CSMD3: variants seen among roughly 807,000 people sequenced by gnomAD.
The protein encoded by CSMD3 is CUB and Sushi multiple domains 3, also known as CUB and sushi domain-containing protein 3.
CSMD3 carries 177 observed loss-of-function variants against 435.2 expected under a neutral mutation model. The ratio of observed to expected loss-of-function variants is 0.41; its 90% CI spans 0.36 to 0.46. CSMD3 has a LOEUF of 0.46. Among genes scored for constraint, CSMD3 ranks in the 20% least tolerant of loss-of-function variants. The pLI is 0.34. For missense variants in CSMD3, 4,265 were observed against 4,504.6 expected (o/e 0.95, Z 1.52); for synonymous variants, 1,656 against 1,520.5 (o/e 1.09, Z -2.07).
At chr8:112,690,720 A>C (rs2076116991) in intron 13 of CSMD3, among the ~76,000 whole-genome samples, 1 of 152,028 alleles carries the variant, frequency 6.6e-6, no homozygotes. Context: ...TTTTAACACC[A>C]TTAAAACAAC....
intron 16 of CSMD3, among the ~76,000 whole-genome samples, chr8:112,667,533 T>C (rs1183875305): frequency 6.6e-6 from 1 of 151,940 alleles, no homozygotes; most frequent in Non-Finnish European, 1.5e-5. Flanking sequence ...ATACAGTGAT[T>C]TTTTTTTCTT....
At chr8:112,289,998 A>C (rs1234360556) in intron 56 of CSMD3, among the ~76,000 whole-genome samples, 1 of 152,056 alleles carries the variant, frequency 6.6e-6, no homozygotes, top group African/African-American at 2.4e-5. Flanking sequence ...AAAGAACTTG[A>C]GGGTTCAAGA....
intron 28 of CSMD3, among the ~76,000 whole-genome samples, chr8:112,512,907 C>A (rs1303427504): frequency 1.3e-5 from 2 of 152,220 alleles, no homozygotes; most frequent in Non-Finnish European, 1.5e-5. Context: ...TCACGTTCCA[C>A]TTTAATGTTA....
chr8:112,670,031 G>A (rs1161911908), intron 16 of CSMD3, among the ~76,000 whole-genome samples: 1 of 152,008 alleles, frequency 6.6e-6, no homozygotes, highest in Non-Finnish European at 1.5e-5. Flanking sequence ...TTAACAAAAC[G>A]TAAAAATGTC....
intron 21 of CSMD3, among the ~76,000 whole-genome samples, 200 bp downstream of exon 21, chr8:112,638,496 C>T (rs7833307): frequency 0.49 from 73,490 of 150,954 alleles, 18,447 homozygotes; most frequent in African/African-American, 0.58. Flanking sequence ...TGCTTTTTCC[C>T]TTATTTATTA....
intron 16 of CSMD3, among the ~76,000 whole-genome samples, chr8:112,669,551 A>G (rs1308841752): frequency 6.6e-6 from 1 of 152,190 alleles, no homozygotes; most frequent in Admixed American, 6.6e-5. Flanking sequence ...TGAAGATACT[A>G]CACTTCAAAA....
chr8:112,533,283 G>A (rs1586618576), intron 27 of CSMD3, among the ~76,000 whole-genome samples: 1 of 151,938 alleles, frequency 6.6e-6, no homozygotes. Context: ...ATCAATAATG[G>A]CATTGAATGT....
chr8:113,296,115 G>A (rs1419892177), intron 2 of CSMD3, among the ~76,000 whole-genome samples: 1 of 151,926 alleles, frequency 6.6e-6, no homozygotes, highest in South Asian at 2.1e-4. Flanking sequence ...CATGGACACA[G>A]GAAGGGGGAC....
At chr8:112,489,492 A>G (rs1352870285) in intron 31 of CSMD3, among the ~76,000 whole-genome samples, 2 of 152,190 alleles carry the variant, frequency 1.3e-5, no homozygotes, top group African/African-American at 4.8e-5. Flanking sequence ...AGTGCTGAAG[A>G]AAAATAATTT....
chr8:112,691,354 A>G, intron 13 of CSMD3, among the ~76,000 whole-genome samples: 1 of 152,160 alleles, frequency 6.6e-6, no homozygotes, highest in Middle Eastern at 3.4e-3. Context: ...TATCAAGGGA[A>G]GATGTTAGTA....
intron 6 of CSMD3, among the ~76,000 whole-genome samples, chr8:112,977,935 A>C (rs1196140569): frequency 6.6e-6 from 1 of 151,978 alleles, no homozygotes; most frequent in African/African-American, 2.4e-5. Flanking sequence ...TGCACTACTA[A>C]AATACAGTAA....
chr8:113,203,570 A>C (rs1176729083), intron 3 of CSMD3, among the ~76,000 whole-genome samples: 1 of 151,778 alleles, frequency 6.6e-6, no homozygotes, highest in East Asian at 1.9e-4. Flanking sequence ...AATGCTCTCT[A>C]TATATGTTAA....
At chr8:113,249,539 T>A (rs12678760) in intron 3 of CSMD3, among the ~76,000 whole-genome samples, 19,817 of 152,100 alleles carry the variant, frequency 0.13, 2,255 homozygotes, top group African/African-American at 0.31. Flanking sequence ...ATTTTTCTAT[T>A]TTTAAATCAA....
intron 1 of CSMD3, among the ~76,000 whole-genome samples, chr8:113,410,154 T>C (rs2094551624): frequency 6.6e-6 from 1 of 152,168 alleles, no homozygotes; most frequent in Admixed American, 6.5e-5. Context: ...TTGTTTTTGT[T>C]TGTTTGTTGT....
At chr8:112,798,109 G>A (rs773214105) in intron 13 of CSMD3, among the ~76,000 whole-genome samples, 13 of 151,816 alleles carry the variant, frequency 8.6e-5, no homozygotes, top group Admixed American at 2.6e-4. Flanking sequence ...TAGAGCTAAC[G>A]AAGTCTTCAT....
At chr8:112,843,873 A>C in intron 11 of CSMD3, among the ~76,000 whole-genome samples, 1 of 151,942 alleles carries the variant, frequency 6.6e-6, no homozygotes, top group East Asian at 1.9e-4. Context: ...TAAAATAATG[A>C]ATGTTTTAAT....
At position 112,655,611 on chromosome 8, in the gene CSMD3, T is replaced by C. The variant is rs189218763; in HGVS notation, c.3004+543A>G. ...ATAATGATTCCAACACTCTGAATTA[T>C]AGCTTGTATTAATATAGTTTTCTCG... On this transcript the variant is annotated intron_variant, in intron 18 of 70. Transcript: ENST00000297405. Among the ~76,000 whole-genome samples, 452 of 152,188 alleles carry C rather than the reference T, an allele frequency of 3.0e-3. 3 individuals are homozygous for C. Among genetic ancestry groups the C allele is most frequent in the African/African-American group, 9.4e-3 (392 of 41,576 alleles).
intron 46 of CSMD3, 65 bp downstream of exon 46, chr8:112,319,836 C>T: frequency 1.7e-6 from 2 of 1,169,858 alleles, no homozygotes; most frequent in Non-Finnish European, 2.6e-6. Context: ...TGTATTTTGG[C>T]TTATTTTTAA....
At chr8:113,353,760 C>T (rs766568733) in intron 1 of CSMD3, among the ~76,000 whole-genome samples, 1 of 151,984 alleles carries the variant, frequency 6.6e-6, no homozygotes, top group Non-Finnish European at 1.5e-5. Context: ...CTTTTTTCCC[C>T]CCAAATCATG....
Sources: gnomAD v4.1 joint callset for allele counts (sites outside exome capture counted in the v4.1 genomes callset) on GRCh38, gnomAD v4.1.1 for gene constraint, MANE v1.5 for transcripts, NCBI Gene and HGNC (gene_info 2026-07-23, HGNC 2026-07-21) for gene names.